GATB: variants seen among roughly 807,000 people sequenced by gnomAD.
GATB encodes the protein glutamyl-tRNA amidotransferase subunit B.
In GATB, 39 loss-of-function variants were observed where a neutral mutation model predicts 62.3. The observed-to-expected ratio is 0.63, with a 90% CI of 0.48 to 0.82. GATB has a LOEUF of 0.82. GATB is among the 40% of genes least tolerant of loss of function. GATB has a pLI of 0.00. For missense variants in GATB, 670 were observed against 684.0 expected, an observed-to-expected ratio of 0.98 and a Z score of 0.23; for synonymous variants, 276 against 258.9, an observed-to-expected ratio of 1.07 and a Z score of -0.63.
chr4:151,694,658 T>C (rs1007752614), intron 9 of GATB, among the ~76,000 whole-genome samples: 2 of 152,176 alleles, frequency 1.3e-5, no homozygotes, highest in Non-Finnish European at 2.9e-5. Context: ...CCTTCAACAG[T>C]AGTTAGAAGG....
chr4:151,683,567 T>C (rs6823421), intron 10 of GATB, among the ~76,000 whole-genome samples: 90,306 of 151,564 alleles, frequency 0.6, 29,404 homozygotes, highest in African/African-American at 0.88. Context: ...CTCTCCCTGG[T>C]TGATGTCAAC....
chr4:151,679,766 T>C (rs1442809879), intron 11 of GATB, 47 bp downstream of exon 11: 1 of 1,516,388 alleles, frequency 6.6e-7, no homozygotes, highest in East Asian at 2.3e-5. Context: ...AGAAAACATT[T>C]CTTGGGACAG....
chr4:151,755,100 T>C (rs1015708832), intron 2 of GATB, among the ~76,000 whole-genome samples: 1 of 152,228 alleles, frequency 6.6e-6, no homozygotes, highest in Admixed American at 6.5e-5. Flanking sequence ...AATTATCTGT[T>C]AATTAATAAG....
chr4:151,672,563 A>T, intron 12 of GATB, 199 bp downstream of exon 12: 1 of 566,438 alleles, frequency 1.8e-6, no homozygotes, highest in Non-Finnish European at 3.1e-6. Context: ...CTTATAGGAA[A>T]AGAAGTTGTG....
rs1016872430 is a variant in GATB, at chr4:151,673,253, G to T, written c.1411-357C>A. The T allele has an allele frequency of 1.8e-3, 166 of 90,260 alleles. 1 individual carries two copies. The highest frequency in any genetic ancestry group is 0.012 in the African/African-American group (154 of 13,222). The allele number at this position is 90,260 out of a possible 1,614,324, so 5.6% of individuals were successfully genotyped here. Reference sequence around the variant, plus strand: ...GAGTCCTGCCCGGCTGACTCCACATGGCGGGGGGGGGCCGCGGGAGGCGTG... The same window carrying T: ...GAGTCCTGCCCGGCTGACTCCACATTGCGGGGGGGGGCCGCGGGAGGCGTG... On this transcript the variant is annotated intron_variant, in intron 11 of 12. Transcript: ENST00000263985.
In GATB at chr4:151,719,027, T is replaced by A. The variant is rs930880221; in HGVS notation, c.441+398A>T. Among the ~76,000 whole-genome samples the A allele has an allele frequency of 2.0e-5, 3 of 152,174 alleles. No homozygotes were observed. In the East Asian group the frequency reaches 5.8e-4, roughly 29 times the overall value. On this transcript the variant is annotated intron_variant, in intron 3 of 12. Transcript: ENST00000263985. ...AGCCCTATTATTGGGAACTTCAACT[T>A]AAAAGCGATTCGCTCTCGCTCTGCT...
chr4:151,719,530 G>C lies in GATB; in HGVS notation c.336C>G (p.Asn112Lys). 6.2e-7 allele frequency: 1 copy of C among 1,603,426 alleles called. No individual in the cohort carries two copies. ...ASLPGTLPVL[N>K]RRCVEAAVMT... is the part of the protein sequence containing the mutation. The stretch of plus-strand genomic sequence containing the variant: ...TCACCGCCGCTTCTACACACCTCCT[G>C]TTGAGAACCTATGGGAACACAACAC... Residue 112 changes from asparagine to lysine, a missense_variant, in exon 3 of 13, where the codon AAC (asparagine) becomes AAG (lysine). Physicochemically the swap from Asn to Lys is moderately conservative, Grantham distance 94. Coordinates refer to ENST00000263985, the MANE Select transcript of GATB (RefSeq NM_004564.3).
intron 2 of GATB, among the ~76,000 whole-genome samples, chr4:151,740,984 T>C (rs1487647118): frequency 6.6e-6 from 1 of 152,178 alleles, no homozygotes; most frequent in Non-Finnish European, 1.5e-5. Context: ...TCAGGCATCT[T>C]TGGTAATGTG....
chr4:151,673,104 G>C (rs547307107), intron 11 of GATB: 2 of 560,962 alleles, frequency 3.6e-6, no homozygotes, highest in East Asian at 5.8e-5. Context: ...TGCAGGGCTG[G>C]GGAACAAGGC....
chr4:151,741,452 A>G (rs903796306), intron 2 of GATB, among the ~76,000 whole-genome samples: 1 of 152,232 alleles, frequency 6.6e-6, no homozygotes, highest in African/African-American at 2.4e-5. Context: ...ATCCATGTGC[A>G]TATTTTTGAG....
chr4:151,688,449 A>C (rs559133360), intron 10 of GATB, among the ~76,000 whole-genome samples, 181 bp downstream of exon 10: 18 of 152,334 alleles, frequency 1.2e-4, no homozygotes, highest in African/African-American at 4.3e-4. Context: ...TGAAGGAATA[A>C]ATACATTTTT....
intron 10 of GATB, among the ~76,000 whole-genome samples, chr4:151,686,647 G>A (rs1008837391): frequency 1.4e-4 from 7 of 51,236 alleles, no homozygotes; most frequent in African/African-American, 2.1e-4. Flanking sequence ...ACCAGTCCCC[G>A]CCCCGCCCCC....
chr4:151,677,544 C>T (rs184850225), intron 11 of GATB: 8 of 152,312 alleles, frequency 5.3e-5, no homozygotes, highest in East Asian at 3.9e-4. Flanking sequence ...TATAGGTATA[C>T]ATCCAGCCTG....
At position 151,719,442 on chromosome 4, in the gene GATB, A is replaced by C. The variant is rs778200799; in HGVS notation, c.424T>G (p.Phe142Val). The C allele has an allele frequency of 8.7e-6, 14 of 1,611,286 alleles. No homozygotes were observed. The Admixed American group carries it at 2.0e-4, about 23-fold the overall frequency. The part of the protein sequence containing the change: ...KKSLFDRKHY[F>V]YADLPAGYQI... The stretch of plus-strand genomic sequence containing the variant: ...GTACTTACAGGGAGGTCTGCATAGA[A>C]GTAGTGCTTCCTGTCAAACAAGGAC... The change falls in exon 3 of 13, where the codon TTC becomes GTC. Residue 142 changes from phenylalanine (F) to valine (V), a missense_variant. Physicochemically the swap from Phe to Val is conservative, Grantham distance 50. Coordinates refer to ENST00000263985, the MANE Select transcript of GATB (RefSeq NM_004564.3).
chr4:151,725,856 A>G (rs1739127628), intron 2 of GATB, among the ~76,000 whole-genome samples: 1 of 152,162 alleles, frequency 6.6e-6, no homozygotes, highest in Non-Finnish European at 1.5e-5. Flanking sequence ...CTCAATTCAC[A>G]CCATTTCTCT....
chr4:151,696,771 G>A (rs1401824366), intron 9 of GATB, among the ~76,000 whole-genome samples: 1 of 152,236 alleles, frequency 6.6e-6, no homozygotes, highest in African/African-American at 2.4e-5. Context: ...GTGAAGTAAA[G>A]CACAGAGTTT....
At chr4:151,710,076 A>G (rs890999991) in intron 5 of GATB, among the ~76,000 whole-genome samples, 3 of 152,146 alleles carry the variant, frequency 2.0e-5, no homozygotes, top group Non-Finnish European at 4.4e-5. Flanking sequence ...CCTCCTCAGC[A>G]AGCTGGCCTG....
intron 2 of GATB, among the ~76,000 whole-genome samples, chr4:151,740,492 G>A (rs1485028717): frequency 1.3e-5 from 2 of 152,216 alleles, no homozygotes; most frequent in Non-Finnish European, 2.9e-5. Flanking sequence ...ATTATGCCAT[G>A]ATGACAAGAT....
At chr4:151,758,700 G>T (rs1739884700) in intron 2 of GATB, 72 bp downstream of exon 2, 4 of 1,238,282 alleles carry the variant, frequency 3.2e-6, no homozygotes, top group Non-Finnish European at 3.3e-6. Context: ...ATTAAAACAA[G>T]AAAATAATTT....
Sources: allele counts gnomAD v4.1 joint callset (sites outside exome capture counted in the v4.1 genomes callset), GRCh38; gene constraint gnomAD v4.1.1; transcripts MANE v1.5; gene names NCBI Gene and HGNC (gene_info 2026-07-23, HGNC 2026-07-21).